The following KCNIP1 variants were observed in gnomAD, a reference collection of about 807,000 sequenced individuals.
KCNIP1 encodes A-type potassium channel modulatory protein KCNIP1.
A neutral mutation model predicts 33.0 loss-of-function variants in KCNIP1; 18 were observed. The ratio of observed to expected loss-of-function variants is 0.55; its 90% CI spans 0.38 to 0.81. The LOEUF (loss-of-function observed/expected upper bound fraction) is 0.81. Ranked by LOEUF, KCNIP1 falls within the 30% of genes least tolerant of loss-of-function variation. The pLI is 0.00. For synonymous variants in KCNIP1, 93 were observed against 98.3 expected, an observed-to-expected ratio of 0.95 and a Z score of 0.32; for missense variants, 238 against 271.6, an observed-to-expected ratio of 0.88 and a Z score of 0.87.
At chr5:170,576,932 CT>C in intron 1 of KCNIP1, among the ~76,000 whole-genome samples, 1 of 152,284 alleles carries the variant, frequency 6.6e-6, no homozygotes. Context: ...GTCGATTCGT[CT>C]TTTCAAAGGC....
intron 1 of KCNIP1, among the ~76,000 whole-genome samples, chr5:170,699,899 C>T (rs1763033322): frequency 6.6e-6 from 1 of 152,182 alleles, no homozygotes; most frequent in African/African-American, 2.4e-5. Context: ...CAGAGCCATC[C>T]TCCGTGAAGC....
chr5:170,637,342 C>T (rs1760326601), intron 1 of KCNIP1, among the ~76,000 whole-genome samples: 1 of 152,140 alleles, frequency 6.6e-6, no homozygotes, highest in Non-Finnish European at 1.5e-5. Context: ...CACCCCTCCT[C>T]ACCAGCTTCC....
At chr5:170,704,205 T>TGGGGAATCGTCTGGAAAGGTAG (rs1554113076) in intron 1 of KCNIP1, among the ~76,000 whole-genome samples, 2 of 122,700 alleles carry the variant, frequency 1.6e-5, no homozygotes, top group Admixed American at 8.7e-5. Context: ...TGACAGGGAT[T>TGGGGAATCGTCTGGAAAGGTAG]AGTCTCTGTG....
chr5:170,486,677 C>A (rs915582321), intron 1 of KCNIP1, among the ~76,000 whole-genome samples: 1 of 152,196 alleles, frequency 6.6e-6, no homozygotes, highest in African/African-American at 2.4e-5. Flanking sequence ...GCTTCTTCAG[C>A]CAGAGTCAGT....
At chr5:170,559,442 T>C (rs1475152212) in intron 1 of KCNIP1, among the ~76,000 whole-genome samples, 1 of 152,198 alleles carries the variant, frequency 6.6e-6, no homozygotes, top group Admixed American at 6.5e-5. Flanking sequence ...CTTCATGCCT[T>C]TTCTATCTAC....
At chr5:170,638,742 T>C (rs1487441476) in intron 1 of KCNIP1, among the ~76,000 whole-genome samples, 3 of 152,206 alleles carry the variant, frequency 2.0e-5, no homozygotes, top group Non-Finnish European at 4.4e-5. Flanking sequence ...AAGTGGTGTC[T>C]TCCTTCAGCT....
At chr5:170,383,416 A>G (rs1265398902) in intron 1 of KCNIP1, 4 of 602,864 alleles carry the variant, frequency 6.6e-6, no homozygotes, top group Non-Finnish European at 8.9e-6. Flanking sequence ...CAGCATTAGC[A>G]TTCCACTTTA....
chr5:170,593,044 G>A (rs530211121), intron 1 of KCNIP1, among the ~76,000 whole-genome samples: 4 of 151,626 alleles, frequency 2.6e-5, no homozygotes, highest in South Asian at 2.1e-4. Context: ...AGACTCATTC[G>A]GAAGAATCTG....
intron 1 of KCNIP1, among the ~76,000 whole-genome samples, chr5:170,565,019 A>G (rs1757157746): frequency 6.6e-6 from 1 of 152,188 alleles, no homozygotes; most frequent in Admixed American, 6.5e-5. Context: ...TTACTTCCGT[A>G]CATTTTAATG....
rs150814278 is a variant in KCNIP1 at position 170,359,660 on chromosome 5, C to T, written c.88+5696C>T. 2.0e-3 allele frequency among the ~76,000 whole-genome samples: 310 copies of T among 152,292 alleles called. 3 individuals are homozygous for T. Among genetic ancestry groups the T allele is most frequent in the African/African-American group, 7.3e-3 (302 of 41,542 alleles). ...TGGGTCCCTGCCTACCTCTCCAGCC[C>T]CAAGCTAGAGCCTGCCAGGAGGGGC... On this transcript the variant is annotated intron_variant, in intron 1 of 7. Coordinates refer to the KCNIP1 transcript ENST00000377360.
chr5:170,639,544 C>T (rs1039234994), intron 1 of KCNIP1: 5 of 152,216 alleles, frequency 3.3e-5, no homozygotes, highest in African/African-American at 1.2e-4. Context: ...ACGCGCTGTT[C>T]TCCTTCATAG....
chr5:170,561,435 T>C (rs879590195), intron 1 of KCNIP1, among the ~76,000 whole-genome samples: 9 of 152,112 alleles, frequency 5.9e-5, no homozygotes, highest in Non-Finnish European at 1.0e-4. Flanking sequence ...AGGAGGATGG[T>C]GCCAGGCCAC....
At chr5:170,618,243 G>A (rs1357264650) in intron 1 of KCNIP1, among the ~76,000 whole-genome samples, 1 of 152,040 alleles carries the variant, frequency 6.6e-6, no homozygotes, top group African/African-American at 2.4e-5. Flanking sequence ...ATGACTTGCA[G>A]GCATGCTAAC....
chr5:170,572,444 C>A (rs570767172), intron 1 of KCNIP1, among the ~76,000 whole-genome samples: 1 of 152,160 alleles, frequency 6.6e-6, no homozygotes, highest in Admixed American at 6.5e-5. Flanking sequence ...TCCCTTCTTG[C>A]GCTCACAGTG....
chr5:170,433,162 C>T (rs1755782222), intron 1 of KCNIP1, among the ~76,000 whole-genome samples: 1 of 152,046 alleles, frequency 6.6e-6, no homozygotes, highest in Admixed American at 6.5e-5. Flanking sequence ...AACCCAGGTG[C>T]CGATGTTTTT....
At chr5:170,684,779 T>C (rs550859267) in intron 1 of KCNIP1, among the ~76,000 whole-genome samples, 1 of 152,182 alleles carries the variant, frequency 6.6e-6, no homozygotes, top group South Asian at 2.1e-4. Context: ...CAAACCTCTC[T>C]CTCTTTTATC....
intron 1 of KCNIP1, chr5:170,385,373 C>T (rs1286999538): frequency 7.4e-6 from 12 of 1,614,128 alleles, no homozygotes; most frequent in Admixed American, 1.7e-5. Flanking sequence ...TGACGGCACA[C>T]ACCACCATGG....
At chr5:170,448,338 T>G (rs1417595128) in intron 1 of KCNIP1, among the ~76,000 whole-genome samples, 2 of 152,254 alleles carry the variant, frequency 1.3e-5, no homozygotes, top group Non-Finnish European at 2.9e-5. Context: ...TCTACCAGCA[T>G]GTCTTGTACA....
At chr5:170,632,645 T>C (rs926225101) in intron 1 of KCNIP1, among the ~76,000 whole-genome samples, 1 of 152,238 alleles carries the variant, frequency 6.6e-6, no homozygotes, top group African/African-American at 2.4e-5. Flanking sequence ...GTCAGCTCCC[T>C]TCCTCGATTC....
Sources: allele counts gnomAD v4.1 joint callset (sites outside exome capture counted in the v4.1 genomes callset), GRCh38; gene constraint gnomAD v4.1.1; transcripts MANE v1.5; gene names NCBI Gene and HGNC (gene_info 2026-07-23, HGNC 2026-07-21).